The following CTNND2 variants were observed in gnomAD, a reference collection of about 807,000 sequenced individuals.
CTNND2 encodes the protein catenin delta 2.
In CTNND2, 22 loss-of-function variants were observed where a neutral mutation model predicts 144.4. The ratio of observed to expected loss-of-function variants is 0.15; its 90% CI spans 0.11 to 0.22. CTNND2 has a LOEUF of 0.22. CTNND2 is among the 10% of genes least tolerant of loss of function. The pLI, the probability that CTNND2 is intolerant of heterozygous loss-of-function variation, is 1.00. For missense variants in CTNND2, 1,353 were observed against 1,618.8 expected (o/e 0.84, Z 2.82); for synonymous variants, 751 against 695.6 (o/e 1.08, Z -1.25).
chr5:11,425,204 C>A (rs1260889631), intron 3 of CTNND2, among the ~76,000 whole-genome samples: 1 of 152,110 alleles, frequency 6.6e-6, no homozygotes, highest in African/African-American at 2.4e-5. Context: ...TTCAGGAGAC[C>A]TCACACAATA....
At chr5:11,318,683 A>G (rs1234811540) in intron 9 of CTNND2, among the ~76,000 whole-genome samples, 1 of 151,984 alleles carries the variant, frequency 6.6e-6, no homozygotes, top group Non-Finnish European at 1.5e-5. Context: ...CTTTGACACC[A>G]CTAAATCCAT....
At chr5:11,621,320 T>C (rs1402732853) in intron 2 of CTNND2, among the ~76,000 whole-genome samples, 1 of 152,210 alleles carries the variant, frequency 6.6e-6, no homozygotes, top group Admixed American at 6.5e-5. Context: ...TTGATTACAT[T>C]AATCATTATA....
chr5:11,719,333 A>G (rs1446245627), intron 2 of CTNND2, among the ~76,000 whole-genome samples: 1 of 152,176 alleles, frequency 6.6e-6, no homozygotes, highest in African/African-American at 2.4e-5. Flanking sequence ...AAGCCATGAA[A>G]ATTACCTTAT....
chr5:11,329,971 T>C (rs1435642796), intron 9 of CTNND2, among the ~76,000 whole-genome samples: 1 of 152,150 alleles, frequency 6.6e-6, no homozygotes, highest in Non-Finnish European at 1.5e-5. Context: ...CTTATTTCAT[T>C]CCTTGTAGTC....
intron 3 of CTNND2, among the ~76,000 whole-genome samples, chr5:11,506,912 C>T (rs969919467): frequency 2.0e-5 from 3 of 152,344 alleles, no homozygotes; most frequent in African/African-American, 4.8e-5. Context: ...CCAGCTTTAG[C>T]GATGCGACTG....
At chr5:11,587,221 T>G (rs1420274902) in intron 2 of CTNND2, among the ~76,000 whole-genome samples, 1 of 152,148 alleles carries the variant, frequency 6.6e-6, no homozygotes, top group Non-Finnish European at 1.5e-5. Context: ...TTACAGTCAA[T>G]GTGGAAAACA....
At chr5:11,814,122 A>G (rs1023520051) in intron 1 of CTNND2, among the ~76,000 whole-genome samples, 2 of 152,224 alleles carry the variant, frequency 1.3e-5, no homozygotes, top group African/African-American at 4.8e-5. Context: ...TATTTCTAGC[A>G]TATGTCATTG....
At chr5:11,230,010 T>A in intron 10 of CTNND2, among the ~76,000 whole-genome samples, 1 of 151,848 alleles carries the variant, frequency 6.6e-6, no homozygotes, top group Admixed American at 6.6e-5. Context: ...CATAATATTC[T>A]TAGCTGAGGT....
At chr5:11,164,601 G>C (rs1211778864) in intron 11 of CTNND2, among the ~76,000 whole-genome samples, 2 of 152,096 alleles carry the variant, frequency 1.3e-5, no homozygotes, top group African/African-American at 2.4e-5. Flanking sequence ...AGCCAAAATG[G>C]CCTGTTTCTT....
chr5:11,506,468 A>G (rs1236085699), intron 3 of CTNND2, among the ~76,000 whole-genome samples: 1 of 152,244 alleles, frequency 6.6e-6, no homozygotes, highest in Non-Finnish European at 1.5e-5. Flanking sequence ...TAGGATGAAC[A>G]AGTCTGGAGA....
chr5:11,245,017 C>T (rs1742850288), intron 9 of CTNND2, among the ~76,000 whole-genome samples: 1 of 152,154 alleles, frequency 6.6e-6, no homozygotes, highest in African/African-American at 2.4e-5. Context: ...AAATCAAGTA[C>T]ACAAAAGAGA....
intron 9 of CTNND2, among the ~76,000 whole-genome samples, chr5:11,290,318 C>A (rs980656741): frequency 1.3e-5 from 2 of 152,176 alleles, no homozygotes; most frequent in African/African-American, 4.8e-5. Context: ...TTATAACTAC[C>A]TATGAGGTAC....
intron 1 of CTNND2, among the ~76,000 whole-genome samples, chr5:11,741,947 G>A (rs1288755490): frequency 6.6e-6 from 1 of 151,632 alleles, no homozygotes; most frequent in Non-Finnish European, 1.5e-5. Flanking sequence ...AAGTAACTCA[G>A]GAATGGAAAA....
intron 16 of CTNND2, chr5:11,027,254 G>T (rs1048881264): frequency 6.6e-6 from 1 of 152,204 alleles, no homozygotes; most frequent in African/African-American, 2.4e-5. Context: ...AGAAAGATTA[G>T]CATGGCCCCT....
chr5:11,469,163 A>G (rs903433643), intron 3 of CTNND2, among the ~76,000 whole-genome samples: 9 of 152,188 alleles, frequency 5.9e-5, no homozygotes, highest in African/African-American at 1.7e-4. Flanking sequence ...TTGTGCAGGG[A>G]TGCCATGCCA....
At chr5:11,637,610 C>A (rs1172911520) in intron 2 of CTNND2, among the ~76,000 whole-genome samples, 2 of 152,084 alleles carry the variant, frequency 1.3e-5, no homozygotes, top group Admixed American at 1.3e-4. Flanking sequence ...TCTGCAGTAT[C>A]GATTCCTAAC....
chr5:11,335,400 T>C (rs1753640348), intron 9 of CTNND2, among the ~76,000 whole-genome samples: 1 of 152,202 alleles, frequency 6.6e-6, no homozygotes, highest in Non-Finnish European at 1.5e-5. Context: ...TCCATTTTTG[T>C]CCTCAAATGT....
At chr5:11,775,238 G>A (rs891981801) in intron 1 of CTNND2, among the ~76,000 whole-genome samples, 3 of 152,084 alleles carry the variant, frequency 2.0e-5, no homozygotes, top group Admixed American at 1.3e-4. Context: ...CTAAATTCTC[G>A]GAGAACAAGA....
intron 1 of CTNND2, among the ~76,000 whole-genome samples, chr5:11,788,298 TG>T (rs374232201): frequency 0.88 from 134,297 of 152,200 alleles, 61,169 homozygotes; most frequent in South Asian, 0.99. Context: ...CACAAGACAG[TG>T]TGCTAAGGAC....
Sources: gnomAD v4.1 joint callset for allele counts (sites outside exome capture counted in the v4.1 genomes callset) on GRCh38, gnomAD v4.1.1 for gene constraint, MANE v1.5 for transcripts, NCBI Gene and HGNC (gene_info 2026-07-23, HGNC 2026-07-21) for gene names.